The following FAT4 variants were observed in gnomAD, a reference collection of about 807,000 sequenced individuals.
FAT4 encodes FAT atypical cadherin 4.
In FAT4, 84 loss-of-function variants were observed where a neutral mutation model predicts 303.9. The ratio of observed to expected loss-of-function variants is 0.28; its 90% confidence interval spans 0.23 to 0.33. The LOEUF is 0.33. Ranked by LOEUF, FAT4 falls within the 10% of genes least tolerant of loss-of-function variation. The pLI is 1.00. For missense variants in FAT4, 6,005 were observed against 6,146.8 expected (o/e 0.98, Z 0.77); for synonymous variants, 2,307 against 2,298.8 (o/e 1.00, Z -0.10).
At chr4:125,483,302 A>T (rs75120305) in intron 16 of FAT4, among the ~76,000 whole-genome samples, 3,482 of 152,314 alleles carry the variant, frequency 0.023, 136 homozygotes, top group African/African-American at 0.081. Context: ...GCAAAAAAAG[A>T]AATAGATCCT....
rs761772972 is a variant in FAT4, at chr4:125,450,449, A to G, written c.9439A>G (p.Ile3147Val). The part of the protein sequence containing the change: ...GIFAINSSTG[I>V]LTLAKALDYE... Reference sequence around the variant, plus strand: ...TTTTGCAATCAATTCTTCTACAGGTATATTAACACTAGCCAAAGCTCTTGA... The same window carrying G: ...TTTTGCAATCAATTCTTCTACAGGTGTATTAACACTAGCCAAAGCTCTTGA... The change falls in exon 10 of 18, where the codon ATA becomes GTA. Residue 3147 changes from isoleucine to valine, a missense_variant. Ile to Val is a conservative substitution (Grantham distance 29). Transcript: ENST00000394329. 4.3e-6 allele frequency: 7 copies of G among 1,614,122 alleles called. No individual in the cohort carries two copies. The highest frequency in any genetic ancestry group is 5.9e-6 in the Non-Finnish European group (7 of 1,180,008).
chr4:125,373,168 T>G (rs1009185727), intron 2 of FAT4, among the ~76,000 whole-genome samples: 2 of 152,118 alleles, frequency 1.3e-5, no homozygotes, highest in Admixed American at 6.5e-5. Context: ...GTTTTAAAAT[T>G]TGTGTAAAAG....
In FAT4 at chr4:125,318,219, T is replaced by C. The variant is rs1265385149; in HGVS notation, c.1808T>C (p.Leu603Ser). 6.2e-7 allele frequency: 1 copy of C among 1,614,072 alleles called. No homozygotes were observed. Among genetic ancestry groups the C allele is most frequent in the Non-Finnish European group, 8.5e-7 (1 of 1,180,038 alleles). ...VENAPTGTEL[L>S]MLRATDGDLG... ...AATGCCCCAACAGGGACAGAACTGT[T>C]GATGCTCAGGGCAACTGACGGGGAC... The change falls in exon 2 of 18, where the codon TTG becomes TCG. Residue 603 changes from leucine (L) to serine (S), a missense_variant. Physicochemically the swap from Leu to Ser is moderately radical, Grantham distance 145. Coordinates refer to ENST00000394329, the MANE Select transcript of FAT4 (RefSeq NM_001291303.3).
Position 125,490,383 on chromosome 4 carries a change from C to T in FAT4, c.13567C>T (p.Leu4523Phe), listed in dbSNP as rs2126096772. Reference protein sequence around the residue: ...SCATVLALLVLSLILCNQCRG... With the variant: ...SCATVLALLVFSLILCNQCRG... ...CGCAACCGTCTTGGCCCTCCTGGTC[C>T]TTAGCCTGATCCTGTGTAACCAGTG... is the stretch of plus-strand genomic sequence containing the variant. Residue 4523 changes from leucine (L) to phenylalanine (F), a missense_variant, in exon 18 of 18, where the codon CTT becomes TTT. Physicochemically the swap from Leu to Phe is conservative, Grantham distance 22. Coordinates refer to ENST00000394329, the MANE Select transcript of FAT4 (RefSeq NM_001291303.3). 2.5e-6 allele frequency: 4 copies of T among 1,614,114 alleles called. No individual in the cohort carries two copies. The South Asian group carries it at 3.3e-5, about 13-fold the overall frequency.
chr4:125,372,533 T>C (rs1292436006), intron 2 of FAT4, among the ~76,000 whole-genome samples: 1 of 152,144 alleles, frequency 6.6e-6, no homozygotes, highest in African/African-American at 2.4e-5. Context: ...ATAGGAACTA[T>C]TAACTACATT....
In FAT4 at chr4:125,452,139, C is replaced by T; in HGVS notation, c.11129C>T (p.Thr3710Ile). The stretch of plus-strand genomic sequence containing the variant: ...TTCTTTGCTGGATTTTCCAATGCCA[C>T]AGTGGATAACAGCATCTTACTTCGT... ...RVFFAGFSNA[T>I]VDNSILLRLG... The change falls in exon 10 of 18, where the codon ACA becomes ATA. Residue 3710 changes from threonine (T) to isoleucine (I), a missense_variant. Physicochemically the swap from Thr to Ile is moderately conservative, Grantham distance 89. Transcript: ENST00000394329. 6.2e-7 allele frequency: 1 copy of T among 1,614,230 alleles called. No homozygotes were observed. The highest frequency in any genetic ancestry group is 8.5e-7 in the Non-Finnish European group (1 of 1,180,040).
chr4:125,398,476 T>C (rs1041958880), intron 2 of FAT4, among the ~76,000 whole-genome samples: 6 of 152,166 alleles, frequency 3.9e-5, no homozygotes, highest in South Asian at 2.1e-4. Flanking sequence ...GGCAGTTCCA[T>C]AGTGATGTGC....
chr4:125,470,375 G>C lies in FAT4; in HGVS notation c.12213+1556G>C, dbSNP rs575658395. Among the ~76,000 whole-genome samples the C allele has an allele frequency of 1.1e-3, 169 of 152,252 alleles. 2 individuals are homozygous for C. The highest frequency in any genetic ancestry group is 3.9e-3 in the African/African-American group (163 of 41,560). On this transcript the variant is annotated intron_variant, in intron 12 of 17. Coordinates refer to ENST00000394329, the MANE Select transcript of FAT4 (RefSeq NM_001291303.3). ...TGATGAGAGAGTCAGCCTATCCTTT[G>C]AAGCTTTTAACCCAGGCATTCACTT... is the stretch of plus-strand genomic sequence containing the variant.
chr4:125,475,592 A>G (rs1727000017), intron 12 of FAT4, among the ~76,000 whole-genome samples: 1 of 152,136 alleles, frequency 6.6e-6, no homozygotes, highest in Admixed American at 6.6e-5. Context: ...AATGTTATTT[A>G]TAAATAATTA....
rs1434353732 is a variant in FAT4 at position 125,448,520 on chromosome 4, C to T, written c.7510C>T (p.His2504Tyr). ...TGATATTGGACCAAATTCTGAACTG[C>T]ATTATTCTCTTTCGGGTAGAAATTC... The part of the protein sequence containing the change: ...DADIGPNSEL[H>Y]YSLSGRNSEK... Residue 2504 changes from histidine to tyrosine, a missense_variant, in exon 10 of 18, where the codon CAT (histidine) becomes TAT (tyrosine). By Grantham distance (83) the His-to-Tyr change is moderately conservative. Coordinates refer to ENST00000394329, the MANE Select transcript of FAT4 (RefSeq NM_001291303.3). The T allele has an allele frequency of 1.2e-6, 2 of 1,613,750 alleles. No homozygotes were observed. The highest frequency in any genetic ancestry group is 2.2e-5 in the South Asian group (2 of 91,066).
At chr4:125,467,789 A>T (rs1158138) in intron 11 of FAT4, among the ~76,000 whole-genome samples, 56,314 of 152,022 alleles carry the variant, frequency 0.37, 10,646 homozygotes, top group East Asian at 0.58. Flanking sequence ...TCTTCAATTG[A>T]GTTGAAATAG....
intron 7 of FAT4, among the ~76,000 whole-genome samples, chr4:125,426,767 T>C (rs1725101730): frequency 6.6e-6 from 1 of 151,994 alleles, no homozygotes; most frequent in African/African-American, 2.4e-5. Flanking sequence ...ATTTACTCCA[T>C]GTGAGCTACA....
chr4:125,333,781 A>C (rs2125960439), intron 2 of FAT4, among the ~76,000 whole-genome samples: 1 of 152,324 alleles, frequency 6.6e-6, no homozygotes, highest in Non-Finnish European at 1.5e-5. Context: ...GTGAGATAAC[A>C]AAATTTGCTA....
rs756257960 is a variant in FAT4, at chr4:125,450,318, G to A, written c.9308G>A (p.Ser3103Asn). 9.9e-6 allele frequency: 16 copies of A among 1,613,918 alleles called. No homozygotes were observed. Among genetic ancestry groups the A allele is most frequent in the Non-Finnish European group, 1.2e-5 (14 of 1,179,990 alleles). ...QSHMSATIPE[S>N]HSIGSIVRTV... The stretch of plus-strand genomic sequence containing the variant: ...CACATGAGTGCAACCATCCCTGAGA[G>A]CCATAGCATTGGGTCCATTGTCAGA... The change falls in exon 10 of 18, where the codon AGC becomes AAC. Residue 3103 changes from serine to asparagine, a missense_variant. Coordinates refer to ENST00000394329, the MANE Select transcript of FAT4 (RefSeq NM_001291303.3).
At chr4:125,439,499 ATTT>A (rs58479752) in intron 8 of FAT4, among the ~76,000 whole-genome samples, 1 of 145,030 alleles carries the variant, frequency 6.9e-6, no homozygotes. Flanking sequence ...TGCCCGGCTA[ATTT>A]TTTTTTTTTT....
Position 125,320,643 on chromosome 4 carries a change from G to C in FAT4, c.4232G>C (p.Arg1411Thr). The C allele has an allele frequency of 6.2e-7, 1 of 1,614,096 alleles. No homozygotes were observed. The highest frequency in any genetic ancestry group is 8.5e-7 in the Non-Finnish European group (1 of 1,179,958). Residue 1411 changes from arginine to threonine, a missense_variant, in exon 2 of 18, where the codon AGG (arginine) becomes ACG (threonine). Transcript: ENST00000394329. ...ACAATGTCAGTGGTTATTCACGTGAGGGACTTTAATGACAATCCTCCTAGC... is the reference window on the plus strand; with the variant it reads ...ACAATGTCAGTGGTTATTCACGTGACGGACTTTAATGACAATCCTCCTAGC... ...SSTMSVVIHV[R>T]DFNDNPPSFP... is the part of the protein sequence containing the mutation.
chr4:125,447,713 C>G (rs1197074917), intron 9 of FAT4, among the ~76,000 whole-genome samples: 3 of 152,008 alleles, frequency 2.0e-5, no homozygotes, highest in African/African-American at 7.2e-5. Context: ...GAAAATATGT[C>G]CTTATGGCAG....
chr4:125,327,155 A>C lies in FAT4; in HGVS notation c.5175+5569A>C, dbSNP rs1731190565. 3.3e-5 allele frequency among the ~76,000 whole-genome samples: 5 copies of C among 152,178 alleles called. No individual in the cohort carries two copies. In the South Asian group the frequency reaches 1.0e-3, roughly 32 times the overall value. ...CATTAGTGGTGGTAGCAAGGAGCCT[A>C]AATTGAATTAGGAAGACTTCCAAGG... On this transcript the variant is annotated intron_variant, in intron 2 of 17. Coordinates refer to ENST00000394329, the MANE Select transcript of FAT4 (RefSeq NM_001291303.3).
intron 2 of FAT4, among the ~76,000 whole-genome samples, chr4:125,385,549 C>T (rs1578583479): frequency 6.6e-6 from 1 of 152,004 alleles, no homozygotes; most frequent in East Asian, 1.9e-4. Context: ...ATCAAAGTAT[C>T]CCTTGATGTC....
Sources: allele counts gnomAD v4.1 joint callset (sites outside exome capture counted in the v4.1 genomes callset), GRCh38; gene constraint gnomAD v4.1.1; transcripts MANE v1.5; gene names NCBI Gene and HGNC (gene_info 2026-07-23, HGNC 2026-07-21).